The following KIAA1671 variants were observed in gnomAD, a reference collection of about 807,000 sequenced individuals.
KIAA1671 encodes KIAA1671.
Under a neutral mutation model 131.2 loss-of-function variants are expected in KIAA1671, and 52 were observed. The ratio of observed to expected loss-of-function variants is 0.40; its 90% CI spans 0.32 to 0.50. The LOEUF (loss-of-function observed/expected upper bound fraction) is 0.50, where lower values mean the gene tolerates loss of function less well. KIAA1671 is among the 20% of genes least tolerant of loss of function. KIAA1671 has a pLI of 0.73. For missense variants in KIAA1671, 2,360 were observed against 2,364.2 expected, an observed-to-expected ratio of 1.00 and a Z score of 0.04; for synonymous variants, 1,003 against 961.6, an observed-to-expected ratio of 1.04 and a Z score of -0.80.
intron 6 of KIAA1671, among the ~76,000 whole-genome samples, chr22:25,113,043 G>A (rs1601326383): frequency 6.6e-6 from 1 of 152,164 alleles, no homozygotes; most frequent in East Asian, 1.9e-4. Context: ...GGCTCGGGAG[G>A]GCTTGGATTG....
At chr22:25,133,899 A>C (rs1015132558) in intron 6 of KIAA1671, among the ~76,000 whole-genome samples, 1 of 152,174 alleles carries the variant, frequency 6.6e-6, no homozygotes, top group Non-Finnish European at 1.5e-5. Context: ...AGATGTATAC[A>C]TCACCCTCAG....
chr22:25,189,638 G>A (rs1934601816), intron 11 of KIAA1671, among the ~76,000 whole-genome samples: 1 of 152,128 alleles, frequency 6.6e-6, no homozygotes, highest in African/African-American at 2.4e-5. Context: ...AAATATCTGG[G>A]TACACATTAG....
chr22:24,966,422 C>T lies in KIAA1671; in HGVS notation c.-208+13650C>T, dbSNP rs1478385342. On this transcript the variant is annotated intron_variant, in intron 1 of 12. Transcript: ENST00000358431. The stretch of plus-strand genomic sequence containing the variant: ...CTTGAAGCCTGGGTTTTGGCAGGCA[C>T]TGCCCGCTCAGCCTTGCCCAGTGCC... Among the ~76,000 whole-genome samples, 4 of 152,230 alleles carry T rather than the reference C, an allele frequency of 2.6e-5. No individual in the cohort carries two copies. The East Asian group carries it at 5.8e-4, about 22-fold the overall frequency.
intron 6 of KIAA1671, among the ~76,000 whole-genome samples, chr22:25,154,018 T>G (rs887185716): frequency 2.6e-5 from 4 of 152,240 alleles, no homozygotes; most frequent in African/African-American, 9.6e-5. Flanking sequence ...TCAGGCATTC[T>G]TGGGAGGTAC....
chr22:24,953,610 G>A (rs933734899), intron 1 of KIAA1671, among the ~76,000 whole-genome samples: 2 of 152,028 alleles, frequency 1.3e-5, no homozygotes, highest in African/African-American at 4.8e-5. Flanking sequence ...GCCCACCCGG[G>A]CTCACGGGTG....
chr22:25,081,871 G>A (rs1029972303), intron 6 of KIAA1671, among the ~76,000 whole-genome samples: 3 of 152,100 alleles, frequency 2.0e-5, no homozygotes, highest in African/African-American at 7.2e-5. Context: ...AGACCAGCCT[G>A]GGCAACATAG....
intron 6 of KIAA1671, chr22:25,058,520 T>C (rs1032336740): frequency 6.6e-6 from 1 of 152,212 alleles, no homozygotes; most frequent in African/African-American, 2.4e-5. Context: ...GGTGTCAGTA[T>C]TTTTTAGAGA....
At chr22:25,070,402 T>C in intron 6 of KIAA1671, 1 of 511,078 alleles carries the variant, frequency 2.0e-6, no homozygotes, top group Middle Eastern at 2.8e-4. Context: ...GCTGAAGCTC[T>C]TGCGCTACCT....
At chr22:24,963,449 G>A (rs568929004) in intron 1 of KIAA1671, among the ~76,000 whole-genome samples, 1 of 151,974 alleles carries the variant, frequency 6.6e-6, no homozygotes, top group South Asian at 2.1e-4. Context: ...GGTGTCACGG[G>A]TGGGTTTCCA....
In KIAA1671 at chr22:25,190,884, C is replaced by G. The variant is rs914083394; in HGVS notation, c.*4+100C>G. On this transcript the variant is annotated intron_variant, in intron 12 of 12. Transcript: ENST00000358431. ...CTTCAGAGACTGGGGCTGTTGTACC[C>G]AAGGAAAGAGGCTGTGTAAGGGGAA... 65 of 768,836 alleles carry G rather than the reference C, an allele frequency of 8.5e-5. No individual in the cohort carries two copies. The African/African-American group carries it at 1.1e-3, about 13-fold the overall frequency. The allele number at this position is 768,836 out of a possible 1,614,324, so 47.6% of individuals were successfully genotyped here.
chr22:25,034,967 G>A (rs1469620886), intron 4 of KIAA1671, among the ~76,000 whole-genome samples: 3 of 151,148 alleles, frequency 2.0e-5, no homozygotes, highest in African/African-American at 7.3e-5. Flanking sequence ...TCCATCTCCT[G>A]ACCTTGTGAG....
At chr22:25,134,286 A>T (rs1932575901) in intron 6 of KIAA1671, among the ~76,000 whole-genome samples, 1 of 152,124 alleles carries the variant, frequency 6.6e-6, no homozygotes, top group Non-Finnish European at 1.5e-5. Flanking sequence ...TCTTGTGTTT[A>T]CCATGGGTTT....
chr22:25,172,629 G>T (rs1933887677), intron 7 of KIAA1671, among the ~76,000 whole-genome samples: 1 of 152,174 alleles, frequency 6.6e-6, no homozygotes, highest in South Asian at 2.1e-4. Flanking sequence ...CCCATGACCT[G>T]GAGGCTTTGC....
At chr22:24,958,768 C>G (rs1436006259) in intron 1 of KIAA1671, among the ~76,000 whole-genome samples, 1 of 151,352 alleles carries the variant, frequency 6.6e-6, no homozygotes, top group African/African-American at 2.4e-5. Flanking sequence ...GTCAGGAGTT[C>G]AAGATTAGCC....
chr22:25,134,385 T>A (rs952977425), intron 6 of KIAA1671, among the ~76,000 whole-genome samples: 5 of 152,218 alleles, frequency 3.3e-5, no homozygotes, highest in African/African-American at 1.2e-4. Context: ...TATGTGTGTG[T>A]GTGTGTGTAC....
At chr22:25,100,197 C>G (rs553172294) in intron 6 of KIAA1671, among the ~76,000 whole-genome samples, 1 of 152,290 alleles carries the variant, frequency 6.6e-6, no homozygotes, top group South Asian at 2.1e-4. Context: ...TCAGCCTGGG[C>G]AGGAGGGCAT....
Position 25,185,059 on chromosome 22 carries a change from C to T in KIAA1671, c.5282C>T (p.Pro1761Leu), listed in dbSNP as rs1934426777. ...CCCCAACCCAAGAGCCCCAAGTCCC[C>T]CTTCCAGCCTGGGGTGCTGGGCAGT... ...WAPQPKSPKSPFQPGVLGSRV... is the reference protein window; with the variant it reads ...WAPQPKSPKSLFQPGVLGSRV... Residue 1761 changes from proline to leucine, a missense_variant, in exon 11 of 13, where the codon CCC becomes CTC. Around this residue, in one of 3 missense-constraint regions of KIAA1671, gnomAD observed 1,161 missense variants for 1,204.7 expected, o/e 0.96. Coordinates refer to ENST00000358431, the MANE Select transcript of KIAA1671 (RefSeq NM_001145206.2). The T allele has an allele frequency of 1.3e-6, 2 of 1,551,688 alleles. No homozygotes were observed. Among genetic ancestry groups the T allele is most frequent in the Non-Finnish European group, 8.7e-7 (1 of 1,146,994 alleles).
chr22:25,101,916 G>T (rs1025805545), intron 6 of KIAA1671, among the ~76,000 whole-genome samples: 1 of 152,330 alleles, frequency 6.6e-6, no homozygotes, highest in Non-Finnish European at 1.5e-5. Flanking sequence ...TTCGGTAGGG[G>T]TTACATAGGC....
At chr22:25,096,931 G>C (rs539733000) in intron 6 of KIAA1671, among the ~76,000 whole-genome samples, 1 of 152,322 alleles carries the variant, frequency 6.6e-6, no homozygotes, top group East Asian at 1.9e-4. Flanking sequence ...ATGTGTTCAC[G>C]TTGAGGCACA....
Sources: allele counts gnomAD v4.1 joint callset (sites outside exome capture counted in the v4.1 genomes callset), GRCh38; gene constraint gnomAD v4.1.1; regional missense constraint gnomAD v4.1.1; transcripts MANE v1.5; gene names NCBI Gene and HGNC (gene_info 2026-07-23, HGNC 2026-07-21).